The following UST variants were observed in gnomAD, a reference collection of about 807,000 sequenced individuals.
UST encodes chondroitin sulfate 2-O-sulfotransferase.
A neutral mutation model predicts 45.6 loss-of-function variants in UST; 21 were observed. That is an observed-to-expected ratio of 0.46 (90% CI 0.33 to 0.66). The LOEUF (loss-of-function observed/expected upper bound fraction) is 0.66, where lower values mean the gene tolerates loss of function less well. UST is among the 30% of genes least tolerant of loss of function. UST has a pLI of 0.02. For missense variants in UST, 463 were observed against 512.4 expected (o/e 0.90, Z 0.93); for synonymous variants, 215 against 200.6 (o/e 1.07, Z -0.61).
intron 5 of UST, among the ~76,000 whole-genome samples, chr6:148,971,555 A>G (rs1452888953): frequency 6.6e-6 from 1 of 152,164 alleles, no homozygotes; most frequent in Non-Finnish European, 1.5e-5. Flanking sequence ...AAGTCAGAGA[A>G]GTGTTGGTTG....
At chr6:148,779,112 A>AT (rs140936430) in intron 1 of UST, among the ~76,000 whole-genome samples, 19,921 of 138,238 alleles carry the variant, frequency 0.14, 1,627 homozygotes, top group South Asian at 0.18. Context: ...TTTGTGGCAC[A>AT]TTTTTTTTTT....
rs547907249 is a variant in UST, at chr6:148,889,838, C to T, written c.291+2809C>T. ...TTCGGTGTTGGCTGGCTTCACTTCC[C>T]CTTCTCCCATAGGGTCTTCCCTAGC... On this transcript the variant is annotated intron_variant, in intron 2 of 7. Coordinates refer to ENST00000367463, the MANE Select transcript of UST (RefSeq NM_005715.3). 2.4e-3 allele frequency among the ~76,000 whole-genome samples: 371 copies of T among 152,180 alleles called. 1 individual carries two copies. The highest frequency in any genetic ancestry group is 8.4e-3 in the African/African-American group (348 of 41,510).
intron 1 of UST, among the ~76,000 whole-genome samples, chr6:148,773,977 A>G (rs1238458333): frequency 6.6e-6 from 1 of 152,184 alleles, no homozygotes; most frequent in African/African-American, 2.4e-5. Context: ...CGACTTTATA[A>G]AGAAGCTTAT....
Position 149,054,793 on chromosome 6 carries a change from G to A in UST, c.938-19040G>A, listed in dbSNP as rs572442086. On this transcript the variant is annotated intron_variant, in intron 7 of 7. Coordinates refer to ENST00000367463, the MANE Select transcript of UST (RefSeq NM_005715.3). ...TTCTCCAAAGAGAAATGACGAGGAA[G>A]GAGAGACATTTTTTATTTGTTCTGG... Among the ~76,000 whole-genome samples, 38 of 152,266 alleles carry A rather than the reference G, an allele frequency of 2.5e-4. No homozygotes were observed. In the South Asian group the frequency reaches 7.9e-3, roughly 32 times the overall value.
At chr6:148,964,659 C>T (rs1582929672) in intron 5 of UST, 96 bp downstream of exon 5, 7 of 1,506,062 alleles carry the variant, frequency 4.6e-6, no homozygotes, top group Middle Eastern at 2.4e-4. Context: ...AGGCCTTCTC[C>T]TTGGCGCCTC....
At chr6:148,929,869 G>A (rs994632888) in intron 2 of UST, among the ~76,000 whole-genome samples, 3 of 152,130 alleles carry the variant, frequency 2.0e-5, no homozygotes, top group Admixed American at 1.3e-4. Context: ...ATTTTGTATG[G>A]TGTGTTTTCC....
chr6:148,900,737 G>C (rs1361234487), intron 2 of UST, among the ~76,000 whole-genome samples: 1 of 152,142 alleles, frequency 6.6e-6, no homozygotes, highest in Non-Finnish European at 1.5e-5. Context: ...AAGCTTAGTA[G>C]CTTAAAGCAA....
intron 1 of UST, among the ~76,000 whole-genome samples, chr6:148,836,088 G>A (rs559054545): frequency 5.3e-5 from 8 of 152,116 alleles, no homozygotes; most frequent in Admixed American, 3.3e-4. Flanking sequence ...AACAATCAGA[G>A]TTCATCGTGT....
intron 1 of UST, among the ~76,000 whole-genome samples, chr6:148,796,033 C>T (rs764255326): frequency 7.9e-5 from 12 of 152,112 alleles, no homozygotes; most frequent in Non-Finnish European, 1.6e-4. Context: ...CAAGATAGGA[C>T]AGCGTGGTGG....
Position 148,747,635 on chromosome 6 carries a change from G to A in UST, c.205G>A (p.Gly69Arg), listed in dbSNP as rs771890812. The A allele has an allele frequency of 9.4e-6, 15 of 1,600,020 alleles. No individual in the cohort carries two copies. The highest frequency in any genetic ancestry group is 1.4e-5 in the African/African-American group (1 of 73,732). ...GGGCTCCCTCCTCTATCAGCTCAGC[G>A]GGGGACCCCCTCGCTTCCTGCTCGA... The part of the protein sequence containing the change: ...CLGSLLYQLS[G>R]GPPRFLLDLR... Residue 69 changes from glycine (G) to arginine (R), a missense_variant, in exon 1 of 8, where the codon GGG (glycine) becomes AGG (arginine). Transcript: ENST00000367463.
chr6:148,957,163 TA>T (rs1474277417), intron 4 of UST, among the ~76,000 whole-genome samples: 1 of 152,164 alleles, frequency 6.6e-6, no homozygotes, highest in African/African-American at 2.4e-5. Flanking sequence ...CTGCTTTCAA[TA>T]AAAAGCCAGA....
intron 2 of UST, among the ~76,000 whole-genome samples, chr6:148,936,736 C>T (rs576664786): frequency 7.2e-5 from 11 of 152,116 alleles, no homozygotes; most frequent in African/African-American, 2.7e-4. Context: ...CACTCTGTCA[C>T]CCAGGCTGAA....
At chr6:148,977,767 A>G (rs1490236060) in intron 5 of UST, among the ~76,000 whole-genome samples, 339 of 151,350 alleles carry the variant, frequency 2.2e-3, no homozygotes, top group African/African-American at 6.0e-3. Context: ...AAAAAAAAAA[A>G]AAAAGAAAAG....
intron 1 of UST, among the ~76,000 whole-genome samples, chr6:148,788,289 A>G (rs928164328): frequency 2.6e-5 from 4 of 152,190 alleles, no homozygotes; most frequent in Non-Finnish European, 5.9e-5. Context: ...AGTATAATTC[A>G]AGATGAGATT....
At chr6:148,769,920 T>A (rs1320935139) in intron 1 of UST, among the ~76,000 whole-genome samples, 1 of 152,172 alleles carries the variant, frequency 6.6e-6, no homozygotes, top group Non-Finnish European at 1.5e-5. Flanking sequence ...TAAATTACAT[T>A]TTCGTTTACT....
intron 5 of UST, among the ~76,000 whole-genome samples, chr6:149,017,424 C>G (rs1775920046): frequency 6.6e-6 from 1 of 151,578 alleles, no homozygotes; most frequent in Non-Finnish European, 1.5e-5. Context: ...TAAAAGCTAA[C>G]ACTTCAAAAA....
chr6:148,948,063 C>T (rs62426129), intron 3 of UST, among the ~76,000 whole-genome samples: 20,783 of 152,144 alleles, frequency 0.14, 1,770 homozygotes, highest in Middle Eastern at 0.21. Flanking sequence ...TCATTGCTCC[C>T]CCTGGTGGAC....
intron 5 of UST, among the ~76,000 whole-genome samples, chr6:149,012,319 G>A (rs1025711369): frequency 6.6e-6 from 1 of 152,076 alleles, no homozygotes; most frequent in Non-Finnish European, 1.5e-5. Flanking sequence ...TTTTTTACAA[G>A]GTTGGAAAAA....
chr6:148,982,172 C>T (rs1265140678), intron 5 of UST, among the ~76,000 whole-genome samples: 2 of 151,194 alleles, frequency 1.3e-5, no homozygotes, highest in Non-Finnish European at 1.5e-5. Flanking sequence ...AATTTTGGCT[C>T]ACTGCAACCT....
Sources: allele counts gnomAD v4.1 joint callset (sites outside exome capture counted in the v4.1 genomes callset), GRCh38; gene constraint gnomAD v4.1.1; transcripts MANE v1.5; gene names NCBI Gene and HGNC (gene_info 2026-07-23, HGNC 2026-07-21).